The following AK5 variants were observed in gnomAD, a reference collection of about 807,000 sequenced individuals.
AK5 encodes the protein adenylate kinase isoenzyme 5.
Under a neutral mutation model 69.5 loss-of-function variants are expected in AK5, and 27 were observed. The ratio of observed to expected loss-of-function variants is 0.39; its 90% CI spans 0.29 to 0.54. The LOEUF is 0.54. AK5 is among the 20% of genes least tolerant of loss of function. The pLI is 0.71. For synonymous variants in AK5, 260 were observed against 244.4 expected, an observed-to-expected ratio of 1.06 and a Z score of -0.60; for missense variants, 531 against 700.4, an observed-to-expected ratio of 0.76 and a Z score of 2.73.
At chr1:77,320,807 A>C (rs947001053) in intron 5 of AK5, among the ~76,000 whole-genome samples, 1 of 152,334 alleles carries the variant, frequency 6.6e-6, no homozygotes, top group South Asian at 2.1e-4. Context: ...GATGTTACTG[A>C]CATTAAAGTA....
chr1:77,534,330 TATGGAG>T (rs1658835997), intron 12 of AK5, among the ~76,000 whole-genome samples: 1 of 152,124 alleles, frequency 6.6e-6, no homozygotes, highest in Non-Finnish European at 1.5e-5. Flanking sequence ...AAGAGAAGGA[TATGGAG>T]ATGGGGAGAC....
intron 6 of AK5, among the ~76,000 whole-genome samples, chr1:77,358,386 G>T (rs1003779125): frequency 6.6e-6 from 1 of 152,144 alleles, no homozygotes; most frequent in East Asian, 1.9e-4. Flanking sequence ...TAGAAAACAC[G>T]TGAGAACCCT....
chr1:77,325,925 T>C (rs1473010938), intron 5 of AK5, among the ~76,000 whole-genome samples: 1 of 152,114 alleles, frequency 6.6e-6, no homozygotes, highest in African/African-American at 2.4e-5. Context: ...TAGTTTAACC[T>C]GTTAAAGGTA....
chr1:77,400,305 T>G (rs1272594625), intron 6 of AK5, among the ~76,000 whole-genome samples: 1 of 152,188 alleles, frequency 6.6e-6, no homozygotes, highest in Admixed American at 6.5e-5. Flanking sequence ...TGCAATGTAG[T>G]TACACAACCT....
intron 8 of AK5, among the ~76,000 whole-genome samples, chr1:77,465,520 T>C (rs771691856): frequency 1.3e-5 from 2 of 152,216 alleles, no homozygotes; most frequent in African/African-American, 2.4e-5. Context: ...AACCGGGACG[T>C]CTTATTCACC....
At chr1:77,402,923 G>T (rs563570264) in intron 6 of AK5, among the ~76,000 whole-genome samples, 1 of 152,306 alleles carries the variant, frequency 6.6e-6, no homozygotes, top group South Asian at 2.1e-4. Context: ...CACTGTAAAA[G>T]TGTTCCTATT....
At chr1:77,403,378 A>G (rs1422797369) in intron 6 of AK5, among the ~76,000 whole-genome samples, 1 of 149,766 alleles carries the variant, frequency 6.7e-6, no homozygotes, top group Non-Finnish European at 1.5e-5. Flanking sequence ...GCCCATGCCT[A>G]TGTCCTGAAT....
At position 77,558,869 on chromosome 1, in the gene AK5, T is replaced by C; in HGVS notation, c.*199T>C. ...ATCATGCATGGTGTATTTGGGACTATATCAACCTATTCTCCACACTTCAGA... is the reference window on the plus strand; with the variant it reads ...ATCATGCATGGTGTATTTGGGACTACATCAACCTATTCTCCACACTTCAGA... On this transcript the variant is annotated 3_prime_UTR_variant, in exon 14 of 14. Transcript: ENST00000354567. The C allele has an allele frequency of 3.6e-6, 2 of 558,694 alleles. No homozygotes were observed. The highest frequency in any genetic ancestry group is 6.6e-6 in the Non-Finnish European group (2 of 304,996). The allele number at this position is 558,694 out of a possible 1,614,324, so 34.6% of individuals were successfully genotyped here. A position where few individuals can be genotyped will look rare whatever the true frequency, so the allele number is the denominator to read the frequency against.
At chr1:77,325,895 A>T (rs1263244272) in intron 5 of AK5, among the ~76,000 whole-genome samples, 1 of 152,108 alleles carries the variant, frequency 6.6e-6, no homozygotes, top group Non-Finnish European at 1.5e-5. Flanking sequence ...AGAAAAAGAA[A>T]TGAATGAAGA....
At chr1:77,514,726 TA>T (rs1369312055) in intron 10 of AK5, among the ~76,000 whole-genome samples, 2 of 152,248 alleles carry the variant, frequency 1.3e-5, no homozygotes, top group African/African-American at 4.8e-5. Context: ...TGAAGATTTT[TA>T]ATTGCCTTTG....
At chr1:77,449,224 G>A (rs1418644345) in intron 8 of AK5, among the ~76,000 whole-genome samples, 1 of 152,204 alleles carries the variant, frequency 6.6e-6, no homozygotes. Flanking sequence ...GCAGCCAGAA[G>A]AGGGGGGTAT....
chr1:77,320,726 G>A (rs1660487500), intron 5 of AK5, among the ~76,000 whole-genome samples: 2 of 152,152 alleles, frequency 1.3e-5, no homozygotes, highest in Non-Finnish European at 2.9e-5. Flanking sequence ...TCCAGCCTGG[G>A]TGTTGACAAG....
chr1:77,374,636 A>G (rs1466876831), intron 6 of AK5, among the ~76,000 whole-genome samples: 1 of 152,098 alleles, frequency 6.6e-6, no homozygotes, highest in Non-Finnish European at 1.5e-5. Flanking sequence ...CCTGAGAAGC[A>G]CAATGAGACC....
At chr1:77,309,223 C>T (rs760441302) in intron 5 of AK5, among the ~76,000 whole-genome samples, 13 of 151,312 alleles carry the variant, frequency 8.6e-5, no homozygotes, top group Admixed American at 2.0e-4. Context: ...ACATCCTGCA[C>T]GTGTCCTGGA....
intron 6 of AK5, among the ~76,000 whole-genome samples, chr1:77,401,762 T>A (rs1366045363): frequency 6.6e-6 from 1 of 152,224 alleles, no homozygotes; most frequent in East Asian, 1.9e-4. Flanking sequence ...TCTCCTCAGA[T>A]GGTGCATAAT....
intron 13 of AK5, among the ~76,000 whole-genome samples, chr1:77,552,696 G>T (rs1659881567): frequency 6.6e-6 from 1 of 152,204 alleles, no homozygotes; most frequent in Non-Finnish European, 1.5e-5. Flanking sequence ...GCATTATGTT[G>T]AATGACCAAG....
chr1:77,387,930 A>G (rs944828603), intron 6 of AK5, among the ~76,000 whole-genome samples: 2 of 152,050 alleles, frequency 1.3e-5, no homozygotes, highest in Admixed American at 6.5e-5. Context: ...GCTCAGAGCA[A>G]TGTAAACCAT....
At chr1:77,503,759 G>A (rs1656863238) in intron 10 of AK5, among the ~76,000 whole-genome samples, 1 of 152,054 alleles carries the variant, frequency 6.6e-6, no homozygotes, top group African/African-American at 2.4e-5. Context: ...AAAAAAATGA[G>A]CCAGGTGTGG....
At chr1:77,558,477 TGG>T in intron 13 of AK5, 123 bp from the exon 14 acceptor site, 1 of 513,232 alleles carries the variant, frequency 1.9e-6, no homozygotes, top group Non-Finnish European at 3.6e-6. Context: ...CTCTGTGTTT[TGG>T]GGGGGGTCTT....
Sources: allele counts gnomAD v4.1 joint callset (sites outside exome capture counted in the v4.1 genomes callset), GRCh38; gene constraint gnomAD v4.1.1; transcripts MANE v1.5; gene names NCBI Gene and HGNC (gene_info 2026-07-23, HGNC 2026-07-21).